Variants in ZNF804B observed in about 807,000 individuals in gnomAD.
ZNF804B encodes zinc finger protein 804B, also known as zinc finger 804B.
In ZNF804B, 80 loss-of-function variants were observed where a neutral mutation model predicts 101.4. That is an observed-to-expected ratio of 0.79 (90% confidence interval 0.66 to 0.95). The LOEUF (loss-of-function observed/expected upper bound fraction) is 0.95, where lower values mean the gene tolerates loss of function less well. ZNF804B is among the 40% of genes least tolerant of loss of function. The probability of loss-of-function intolerance (pLI) is 0.00; values close to 1 mark genes in which losing one functional copy is unlikely to be tolerated. For synonymous variants in ZNF804B, 622 were observed against 558.8 expected (o/e 1.11, Z -1.59); for missense variants, 1,673 against 1,561.9 (o/e 1.07, Z -1.20).
intron 1 of ZNF804B, among the ~76,000 whole-genome samples, chr7:88,827,142 T>C (rs1377072104): frequency 1.3e-5 from 2 of 152,074 alleles, no homozygotes; most frequent in African/African-American, 4.8e-5. Context: ...TTAAACAAAG[T>C]TAAATCATAT....
At chr7:89,186,491 CAG>C (rs1788376874) in intron 1 of ZNF804B, among the ~76,000 whole-genome samples, 1 of 152,076 alleles carries the variant, frequency 6.6e-6, no homozygotes, top group East Asian at 1.9e-4. Flanking sequence ...AAGGTGAAAA[CAG>C]AAAGAAATAA....
intron 1 of ZNF804B, among the ~76,000 whole-genome samples, chr7:88,815,454 T>G (rs868573847): frequency 6.7e-6 from 1 of 149,498 alleles, no homozygotes; most frequent in Middle Eastern, 3.6e-3. Context: ...TATATAACTA[T>G]ATGTTAGGTA....
At chr7:89,085,422 A>G (rs1789782998) in intron 1 of ZNF804B, among the ~76,000 whole-genome samples, 1 of 151,940 alleles carries the variant, frequency 6.6e-6, no homozygotes, top group Admixed American at 6.6e-5. Flanking sequence ...TAGTAGTTGA[A>G]AAATGTTCTT....
chr7:88,894,068 C>A (rs1243244553), intron 1 of ZNF804B, among the ~76,000 whole-genome samples: 1 of 151,902 alleles, frequency 6.6e-6, no homozygotes, highest in African/African-American at 2.4e-5. Context: ...TTTAAGTTTT[C>A]AAAAATACTG....
intron 1 of ZNF804B, among the ~76,000 whole-genome samples, chr7:88,769,266 A>G (rs958831067): frequency 1.3e-5 from 2 of 152,202 alleles, no homozygotes; most frequent in Non-Finnish European, 2.9e-5. Context: ...AGATTTTTCC[A>G]TAGAGAATTT....
In ZNF804B at chr7:88,808,485, C is replaced by A. The variant is rs146062056; in HGVS notation, c.108+48401C>A. 6.5e-4 allele frequency among the ~76,000 whole-genome samples: 99 copies of A among 151,220 alleles called. 3 individuals are homozygous for A. The East Asian group carries it at 0.018, about 28-fold the overall frequency. ...AGTAAGTATTATATTATCATCTTGTCTAGGGTAGAGGGTAGAGTAGCAAGA... is the reference window on the plus strand; with the variant it reads ...AGTAAGTATTATATTATCATCTTGTATAGGGTAGAGGGTAGAGTAGCAAGA... On this transcript the variant is annotated intron_variant, in intron 1 of 3. Coordinates refer to ENST00000333190, the MANE Select transcript of ZNF804B (RefSeq NM_181646.5).
At chr7:89,220,153 A>ATACATG (rs1788980790) in intron 2 of ZNF804B, among the ~76,000 whole-genome samples, 1 of 23,482 alleles carries the variant, frequency 4.3e-5, no homozygotes, top group African/African-American at 2.0e-4. Flanking sequence ...GTATATACAT[A>ATACATG]TATATATACG....
intron 1 of ZNF804B, among the ~76,000 whole-genome samples, chr7:89,035,119 G>T (rs1788905151): frequency 6.6e-6 from 1 of 152,086 alleles, no homozygotes; most frequent in South Asian, 2.1e-4. Flanking sequence ...TAGAAGACGA[G>T]ATTTTACCTA....
intron 3 of ZNF804B, among the ~76,000 whole-genome samples, chr7:89,331,365 A>C (rs2115991991): frequency 6.6e-6 from 1 of 151,830 alleles, no homozygotes; most frequent in Middle Eastern, 3.4e-3. Flanking sequence ...TTTATGCTTG[A>C]AAGAAACATT....
intron 2 of ZNF804B, among the ~76,000 whole-genome samples, chr7:89,324,271 A>G (rs910000948): frequency 1.9e-4 from 29 of 151,822 alleles, no homozygotes; most frequent in Non-Finnish European, 3.2e-4. Flanking sequence ...CTCCATCATC[A>G]TTATGAAGAA....
intron 1 of ZNF804B, among the ~76,000 whole-genome samples, chr7:89,101,719 T>A (rs951771864): frequency 6.6e-6 from 1 of 152,002 alleles, no homozygotes; most frequent in Non-Finnish European, 1.5e-5. Flanking sequence ...TTCATTTATT[T>A]GTTTTAGATT....
intron 1 of ZNF804B, among the ~76,000 whole-genome samples, chr7:89,186,731 T>C (rs933012717): frequency 6.6e-6 from 1 of 152,128 alleles, no homozygotes; most frequent in African/African-American, 2.4e-5. Context: ...TGACTTTCAC[T>C]CCTTCTGCAA....
chr7:89,064,010 A>T (rs1310023588), intron 1 of ZNF804B, among the ~76,000 whole-genome samples: 1 of 152,172 alleles, frequency 6.6e-6, no homozygotes, highest in Non-Finnish European at 1.5e-5. Context: ...TCAGTGAAGC[A>T]GGTTGGGTTC....
chr7:88,912,597 G>A (rs1030888416), intron 1 of ZNF804B, among the ~76,000 whole-genome samples: 2 of 152,030 alleles, frequency 1.3e-5, no homozygotes, highest in Non-Finnish European at 2.9e-5. Flanking sequence ...GTGAGATAAA[G>A]GCCAAAGCAT....
chr7:88,941,392 C>T (rs1793051920), intron 1 of ZNF804B, among the ~76,000 whole-genome samples: 1 of 151,902 alleles, frequency 6.6e-6, no homozygotes. Context: ...GATAAATAAA[C>T]TGTAATGCAT....
In ZNF804B at chr7:88,861,499, G is replaced by A. The variant is rs555142330; in HGVS notation, c.108+101415G>A. Among the ~76,000 whole-genome samples the A allele has an allele frequency of 2.6e-5, 4 of 152,244 alleles. No individual in the cohort carries two copies. The South Asian group carries it at 8.3e-4, about 32-fold the overall frequency. Reference sequence around the variant, plus strand: ...CTGATAAAATAAGGCATTTAATATAGGGTGCTTAAGATTTCATACTTTATC... The same window carrying A: ...CTGATAAAATAAGGCATTTAATATAAGGTGCTTAAGATTTCATACTTTATC... On this transcript the variant is annotated intron_variant, in intron 1 of 3. Transcript: ENST00000333190.
At chr7:88,963,141 A>G (rs1251625305) in intron 1 of ZNF804B, among the ~76,000 whole-genome samples, 2 of 151,168 alleles carry the variant, frequency 1.3e-5, no homozygotes, top group African/African-American at 2.4e-5. Context: ...CAAAATCCCA[A>G]TGATGTATTT....
At chr7:89,085,869 T>G (rs1346909842) in intron 1 of ZNF804B, among the ~76,000 whole-genome samples, 1 of 152,032 alleles carries the variant, frequency 6.6e-6, no homozygotes, top group East Asian at 1.9e-4. Flanking sequence ...ATGGGTTATC[T>G]TCCAACTATG....
intron 1 of ZNF804B, among the ~76,000 whole-genome samples, chr7:89,072,004 A>G (rs1247023530): frequency 6.6e-6 from 1 of 152,194 alleles, no homozygotes; most frequent in African/African-American, 2.4e-5. Flanking sequence ...AAAATGGGAA[A>G]GAGAAGCTAA....
Sources: gnomAD v4.1 joint callset for allele counts (sites outside exome capture counted in the v4.1 genomes callset) on GRCh38, gnomAD v4.1.1 for gene constraint, MANE v1.5 for transcripts, NCBI Gene and HGNC (gene_info 2026-07-23, HGNC 2026-07-21) for gene names.